Variants in ASAP1 observed in about 807,000 individuals in gnomAD.
ASAP1 encodes arf-GAP with SH3 domain, ANK repeat and PH domain-containing protein 1.
In ASAP1, 43 loss-of-function variants were observed where a neutral mutation model predicts 145.2. The ratio of observed to expected loss-of-function variants is 0.30; its 90% CI spans 0.23 to 0.38. The LOEUF (loss-of-function observed/expected upper bound fraction) is 0.38. Ranked by LOEUF, ASAP1 falls within the 10% of genes least tolerant of loss-of-function variation. The probability of loss-of-function intolerance (pLI) is 1.00; values close to 1 mark genes in which losing one functional copy is unlikely to be tolerated. For missense variants in ASAP1, 1,018 were observed against 1,355.3 expected (o/e 0.75, Z 3.91); for synonymous variants, 546 against 515.5 (o/e 1.06, Z -0.80).
At chr8:130,066,079 T>C (rs2097430069) in intron 27 of ASAP1, among the ~76,000 whole-genome samples, 1 of 152,216 alleles carries the variant, frequency 6.6e-6, no homozygotes, top group Non-Finnish European at 1.5e-5. Context: ...GCCCCCAGTA[T>C]TACACCATAT....
At position 130,117,065 on chromosome 8, in the gene ASAP1, A is replaced by G. The variant is rs1025401883; in HGVS notation, c.1881-70T>C. 2.3e-5 allele frequency: 25 copies of G among 1,081,052 alleles called. No individual in the cohort carries two copies. The South Asian group carries it at 3.8e-4, about 16-fold the overall frequency. The allele number at this position is 1,081,052 out of a possible 1,614,324, so 67.0% of individuals were successfully genotyped here. On this transcript the variant is annotated intron_variant, in intron 20 of 29. Coordinates refer to ENST00000518721, the MANE Select transcript of ASAP1 (RefSeq NM_018482.4). ...ACTTAAAACTATAGATTAGCCACTT[A>G]TTTTTGTGCTGACAACTGAGTCAAA...
chr8:130,271,833 T>A (rs1586728040), intron 3 of ASAP1, among the ~76,000 whole-genome samples: 1 of 152,318 alleles, frequency 6.6e-6, no homozygotes, highest in Non-Finnish European at 1.5e-5. Flanking sequence ...TCTAGTATCC[T>A]GTTTATGAAG....
chr8:130,058,402 C>T (rs966849878), intron 28 of ASAP1, among the ~76,000 whole-genome samples: 7 of 152,216 alleles, frequency 4.6e-5, no homozygotes, highest in Non-Finnish European at 1.0e-4. Flanking sequence ...ACTCTGTACG[C>T]ACCCCCAACC....
In ASAP1 at chr8:130,166,424, C is replaced by T. The variant is rs150859344; in HGVS notation, c.909+1112G>A. On this transcript the variant is annotated intron_variant, in intron 11 of 29. Coordinates refer to ENST00000518721, the MANE Select transcript of ASAP1 (RefSeq NM_018482.4). ...AAGTCTACGTCCCTTAGTACAACACCCAAGGTCCTCCGTAGTCAGGTCTGA... is the reference window on the plus strand; with the variant it reads ...AAGTCTACGTCCCTTAGTACAACACTCAAGGTCCTCCGTAGTCAGGTCTGA... 2.9e-3 allele frequency among the ~76,000 whole-genome samples: 437 copies of T among 152,206 alleles called. 1 individual carries two copies. The highest frequency in any genetic ancestry group is 0.01 in the African/African-American group (423 of 41,528).
chr8:130,092,938 T>TA (rs35191776), intron 24 of ASAP1, among the ~76,000 whole-genome samples: 15,218 of 137,288 alleles, frequency 0.11, 1,007 homozygotes, highest in Non-Finnish European at 0.16. Context: ...ACGCTTTTCT[T>TA]AAAAAAAAAA....
chr8:130,148,066 T>C (rs893703468), intron 13 of ASAP1, among the ~76,000 whole-genome samples: 1 of 152,158 alleles, frequency 6.6e-6, no homozygotes, highest in Admixed American at 6.6e-5. Flanking sequence ...TACTCCTCCT[T>C]CTCCTCCCTT....
chr8:130,127,505 C>A (rs1036837218), intron 16 of ASAP1, among the ~76,000 whole-genome samples: 1 of 152,166 alleles, frequency 6.6e-6, no homozygotes, highest in Non-Finnish European at 1.5e-5. Flanking sequence ...GCGTGAGCCA[C>A]CGTGCCATAG....
intron 25 of ASAP1, among the ~76,000 whole-genome samples, chr8:130,091,097 A>T (rs1054708253): frequency 6.6e-6 from 1 of 152,174 alleles, no homozygotes; most frequent in Non-Finnish European, 1.5e-5. Context: ...TGTGCAGTCA[A>T]TGTCACTGAA....
chr8:130,328,133 C>G (rs368562326), intron 3 of ASAP1, among the ~76,000 whole-genome samples: 2 of 152,226 alleles, frequency 1.3e-5, no homozygotes, highest in African/African-American at 4.8e-5. Flanking sequence ...CGTAAGTATT[C>G]TACATGCATT....
chr8:130,358,308 A>AGGAGGCGGGC lies in ASAP1; in HGVS notation c.60-175_60-166dup, dbSNP rs1192122662. Among the ~76,000 whole-genome samples the AGGAGGCGGGC allele has an allele frequency of 4.0e-5, 6 of 148,974 alleles. No homozygotes were observed. Among genetic ancestry groups the AGGAGGCGGGC allele is most frequent in the African/African-American group, 1.5e-4 (6 of 40,936 alleles). On this transcript the variant is annotated intron_variant, in intron 2 of 29. Coordinates refer to ENST00000518721, the MANE Select transcript of ASAP1 (RefSeq NM_018482.4). This position sits in a 1 kb window ranked among gnomAD's most constrained non-coding sequence, Gnocchi z 4.1. The stretch of plus-strand genomic sequence containing the variant: ...CCCCGGCAGCGGCGAGAGGGAGGGA[A>AGGAGGCGGGC]GGAGGCGGGCGAAGGCAGGCGGCGG...
chr8:130,302,357 TCA>T (rs1822728389), intron 3 of ASAP1, among the ~76,000 whole-genome samples: 5 of 152,212 alleles, frequency 3.3e-5, no homozygotes, highest in Admixed American at 3.3e-4. Flanking sequence ...GCTCGTTTTT[TCA>T]CAGACACAGA....
At chr8:130,080,762 A>G (rs2097477860) in intron 25 of ASAP1, among the ~76,000 whole-genome samples, 1 of 152,004 alleles carries the variant, frequency 6.6e-6, no homozygotes, top group African/African-American at 2.4e-5. Context: ...CCTCCTGAGT[A>G]GCTGGGACTA....
intron 12 of ASAP1, among the ~76,000 whole-genome samples, chr8:130,155,654 G>C (rs1282584175): frequency 3.3e-5 from 5 of 152,216 alleles, no homozygotes; most frequent in African/African-American, 1.2e-4. Flanking sequence ...GCCAGCACCT[G>C]ATCTTTGTGA....
chr8:130,287,112 A>G (rs1050545699), intron 3 of ASAP1, among the ~76,000 whole-genome samples: 1 of 152,228 alleles, frequency 6.6e-6, no homozygotes, highest in East Asian at 1.9e-4. Flanking sequence ...TTGACTGTTA[A>G]GCAGAATTAT....
At chr8:130,103,560 G>GT (rs2097532329) in intron 24 of ASAP1, among the ~76,000 whole-genome samples, 2 of 152,134 alleles carry the variant, frequency 1.3e-5, no homozygotes, top group Non-Finnish European at 2.9e-5. Flanking sequence ...CTGGAGTGCA[G>GT]TGACGCGATC....
intron 2 of ASAP1, among the ~76,000 whole-genome samples, chr8:130,363,305 T>G (rs754190030): frequency 1.1e-4 from 16 of 152,194 alleles, no homozygotes; most frequent in Non-Finnish European, 1.6e-4. Context: ...GTGGGAGGAC[T>G]GCTTGAGCCC....
intron 3 of ASAP1, among the ~76,000 whole-genome samples, chr8:130,246,103 G>A (rs1818834148): frequency 6.6e-6 from 1 of 152,020 alleles, no homozygotes; most frequent in African/African-American, 2.4e-5. Flanking sequence ...TGTAAAGGAA[G>A]TCTTACAAAG....
At chr8:130,383,894 C>A (rs1270164256) in intron 2 of ASAP1, among the ~76,000 whole-genome samples, 1 of 152,120 alleles carries the variant, frequency 6.6e-6, no homozygotes, top group Admixed American at 6.5e-5. Flanking sequence ...AAGGACTTGC[C>A]CATGTCTCCC....
chr8:130,243,633 T>C (rs888229452), intron 3 of ASAP1, among the ~76,000 whole-genome samples: 2 of 152,188 alleles, frequency 1.3e-5, no homozygotes, highest in African/African-American at 4.8e-5. Context: ...CCCAATGAGC[T>C]AGTCCTGCCT....
Sources: allele counts gnomAD v4.1 joint callset (sites outside exome capture counted in the v4.1 genomes callset), GRCh38; gene constraint gnomAD v4.1.1; non-coding constraint Gnocchi (gnomAD v3.1); transcripts MANE v1.5; gene names NCBI Gene and HGNC (gene_info 2026-07-23, HGNC 2026-07-21).